The following ENPP1 variants were observed in gnomAD, a reference collection of about 807,000 sequenced individuals.
The protein encoded by ENPP1 is ectonucleotide pyrophosphatase/phosphodiesterase 1, also known as ectonucleotide pyrophosphatase/phosphodiesterase family member 1.
A neutral mutation model predicts 122.8 loss-of-function variants in ENPP1; 73 were observed. That is an observed-to-expected ratio of 0.59 (90% CI 0.49 to 0.72). ENPP1 has a LOEUF of 0.72. ENPP1 is among the 30% of genes least tolerant of loss of function. The pLI, the probability that ENPP1 is intolerant of heterozygous loss-of-function variation, is 0.00. For missense variants in ENPP1, 978 were observed against 1,128.1 expected (o/e 0.87, Z 1.91); for synonymous variants, 367 against 391.6 (o/e 0.94, Z 0.74).
intron 13 of ENPP1, 127 bp downstream of exon 13, chr6:131,869,616 G>T: frequency 1.1e-6 from 1 of 875,188 alleles, no homozygotes; most frequent in Admixed American, 1.9e-5. Flanking sequence ...ATCACCTGAG[G>T]TCAGGAGTTC....
intron 1 of ENPP1, among the ~76,000 whole-genome samples, chr6:131,811,987 G>C (rs1256285866): frequency 1.3e-5 from 2 of 152,158 alleles, no homozygotes; most frequent in African/African-American, 4.8e-5. Flanking sequence ...AACTTAGTGA[G>C]GTTCCAAGGC....
chr6:131,879,748 A>T lies in ENPP1; in HGVS notation c.1946-132A>T, dbSNP rs944050797. On this transcript the variant is annotated intron_variant, in intron 19 of 24. Transcript: ENST00000647893. ...ATTGTTTATGCTTCTACCCTTTGTA[A>T]TCAGTTTTTTTAATAGTTAAAAGTA... 5.1e-6 allele frequency: 4 copies of T among 788,870 alleles called. No homozygotes were observed. In the African/African-American group the frequency reaches 5.2e-5, roughly 10 times the overall value. 48.9% of individuals were successfully genotyped at this position (788,870 alleles called of 1,614,324 possible).
At chr6:131,870,936 C>T (rs936069661) in intron 13 of ENPP1, among the ~76,000 whole-genome samples, 2 of 152,076 alleles carry the variant, frequency 1.3e-5, no homozygotes, top group Non-Finnish European at 2.9e-5. Context: ...ATTATCTGAG[C>T]GTGGTGGCAT....
At chr6:131,842,940 G>A (rs1335772426) in intron 1 of ENPP1, among the ~76,000 whole-genome samples, 1 of 152,026 alleles carries the variant, frequency 6.6e-6, no homozygotes, top group Non-Finnish European at 1.5e-5. Flanking sequence ...AAGAACTAAT[G>A]ATTTAGTTAA....
intron 19 of ENPP1, 80 bp downstream of exon 19, chr6:131,878,673 G>T: frequency 3.8e-6 from 4 of 1,048,346 alleles, no homozygotes; most frequent in South Asian, 1.3e-5. Flanking sequence ...AACTGGCTTG[G>T]GGGTATTATT....
At chr6:131,851,403 C>A in intron 4 of ENPP1, 136 bp downstream of exon 4, 10 of 1,128,592 alleles carry the variant, frequency 8.9e-6, no homozygotes, top group Non-Finnish European at 1.3e-5. Context: ...AATTTTAAAA[C>A]TTTTTATTAA....
At chr6:131,890,025 T>A (rs1384874218) in intron 24 of ENPP1, among the ~76,000 whole-genome samples, 1 of 152,210 alleles carries the variant, frequency 6.6e-6, no homozygotes, top group Non-Finnish European at 1.5e-5. Flanking sequence ...TTCTTTCCCA[T>A]GCCATGTAAT....
rs527779326 is a variant in ENPP1 at position 131,815,161 on chromosome 6, C to T, written c.240+6886C>T. On this transcript the variant is annotated intron_variant, in intron 1 of 24. Transcript: ENST00000647893. Reference sequence around the variant, plus strand: ...AAGTACCCAACTAAGGTGAAGGTGCCTAAGAAGAAGGCAGACGGGGCCTCT... The same window carrying T: ...AAGTACCCAACTAAGGTGAAGGTGCTTAAGAAGAAGGCAGACGGGGCCTCT... Among the ~76,000 whole-genome samples the T allele has an allele frequency of 5.9e-5, 9 of 152,226 alleles. No individual in the cohort carries two copies. In the South Asian group the frequency reaches 1.9e-3, roughly 32 times the overall value.
At chr6:131,864,394 A>G in intron 9 of ENPP1, 112 bp from the exon 10 acceptor site, 2 of 717,530 alleles carry the variant, frequency 2.8e-6, no homozygotes, top group South Asian at 1.6e-5. Flanking sequence ...CAAACACAAT[A>G]GATGCGAAAT....
At chr6:131,863,630 A>G (rs1013027719) in intron 9 of ENPP1, among the ~76,000 whole-genome samples, 1 of 151,712 alleles carries the variant, frequency 6.6e-6, no homozygotes, top group Non-Finnish European at 1.5e-5. Flanking sequence ...TTAAGAGTTT[A>G]TGGGCTGGGC....
intron 6 of ENPP1, among the ~76,000 whole-genome samples, chr6:131,857,906 C>G (rs967286569): frequency 6.6e-6 from 1 of 152,076 alleles, no homozygotes; most frequent in Admixed American, 6.6e-5. Context: ...GTGGAGGTAC[C>G]TGTATATGAA....
chr6:131,869,903 C>T (rs186994172), intron 13 of ENPP1, among the ~76,000 whole-genome samples: 4 of 149,372 alleles, frequency 2.7e-5, no homozygotes, highest in Non-Finnish European at 5.9e-5. Flanking sequence ...ATCATTATAT[C>T]GCTAAACTAA....
At chr6:131,874,827 G>GATAT (rs550870101) in intron 16 of ENPP1, among the ~76,000 whole-genome samples, 2 of 132,896 alleles carry the variant, frequency 1.5e-5, no homozygotes, top group Admixed American at 7.1e-5. Context: ...AAATGTGTGA[G>GATAT]ATATATATAT....
chr6:131,868,175 A>T, intron 12 of ENPP1, 49 bp downstream of exon 12: 1 of 1,377,194 alleles, frequency 7.3e-7, no homozygotes, highest in Non-Finnish European at 1.0e-6. Flanking sequence ...GGCTGAAGAA[A>T]GTTTACTTGA....
chr6:131,855,005 C>T lies in ENPP1; in HGVS notation c.697C>T (p.Pro233Ser). 6.2e-7 allele frequency: 1 copy of T among 1,610,194 alleles called. No homozygotes were observed. Among genetic ancestry groups the T allele is most frequent in the Non-Finnish European group, 8.5e-7 (1 of 1,176,546 alleles). The change falls in exon 6 of 25, where the codon CCT (proline) becomes TCT (serine). Residue 233 changes from proline (P) to serine (S), a missense_variant. Transcript: ENST00000647893. ...EYLHTWGGLL[P>S]VISKLKKCGT... is the part of the protein sequence containing the mutation. ...TTTACACACTTGGGGTGGACTTCTT[C>T]CTGTTATTAGCAAACTAAGTGAGTA...
intron 5 of ENPP1, among the ~76,000 whole-genome samples, chr6:131,853,919 T>G (rs7749493): frequency 0.3 from 45,462 of 152,016 alleles, 11,126 homozygotes; most frequent in African/African-American, 0.68. Flanking sequence ...TCCTCTGTGG[T>G]TTTTGGCCTC....
intron 1 of ENPP1, among the ~76,000 whole-genome samples, chr6:131,844,855 C>G (rs540643635): frequency 6.6e-6 from 1 of 151,922 alleles, no homozygotes; most frequent in African/African-American, 2.4e-5. Flanking sequence ...GTTGAAGGTG[C>G]AAAGCTTATG....
At chr6:131,842,247 T>C (rs994889803) in intron 1 of ENPP1, among the ~76,000 whole-genome samples, 1 of 152,230 alleles carries the variant, frequency 6.6e-6, no homozygotes, top group Non-Finnish European at 1.5e-5. Context: ...TAGGAATTAC[T>C]AGAGAAGTGA....
chr6:131,843,787 C>T (rs1046486476), intron 1 of ENPP1, among the ~76,000 whole-genome samples: 3 of 151,828 alleles, frequency 2.0e-5, no homozygotes, highest in Admixed American at 1.3e-4. Context: ...ACTCTTCCCT[C>T]GTTGACAGTC....
Sources: gnomAD v4.1 joint callset for allele counts (sites outside exome capture counted in the v4.1 genomes callset) on GRCh38, gnomAD v4.1.1 for gene constraint, MANE v1.5 for transcripts, NCBI Gene and HGNC (gene_info 2026-07-23, HGNC 2026-07-21) for gene names.